The following KBTBD8 variants were observed in gnomAD, a reference collection of about 807,000 sequenced individuals.
The protein encoded by KBTBD8 is kelch repeat and BTB domain-containing protein 8.
In KBTBD8, 31 loss-of-function variants were observed where a neutral mutation model predicts 53.5. That is an observed-to-expected ratio of 0.58 (90% CI 0.44 to 0.78). The LOEUF (loss-of-function observed/expected upper bound fraction) is 0.78, where lower values mean the gene tolerates loss of function less well. KBTBD8 is among the 30% of genes least tolerant of loss of function. The pLI, the probability that KBTBD8 is intolerant of heterozygous loss-of-function variation, is 0.00. For missense variants in KBTBD8, 642 were observed against 735.8 expected, an observed-to-expected ratio of 0.87 and a Z score of 1.48; for synonymous variants, 250 against 247.3, an observed-to-expected ratio of 1.01 and a Z score of -0.10.
In KBTBD8 at chr3:67,003,266, C is replaced by G; in HGVS notation, c.299C>G (p.Ser100Trp). Reference protein sequence around the residue: ...EVRIVGVEAESMDLVLNYAYT... With the variant: ...EVRIVGVEAEWMDLVLNYAYT... Reference sequence around the variant, plus strand: ...CGAATAGTTGGTGTTGAAGCTGAATCGATGGATTTAGTGTTGAACTATGCC... The same window carrying G: ...CGAATAGTTGGTGTTGAAGCTGAATGGATGGATTTAGTGTTGAACTATGCC... The change falls in exon 3 of 4, where the codon TCG becomes TGG. Residue 100 changes from serine to tryptophan, a missense_variant. Transcript: ENST00000417314. 2 of 1,614,020 alleles carry G rather than the reference C, an allele frequency of 1.2e-6. No individual in the cohort carries two copies. The highest frequency in any genetic ancestry group is 1.7e-6 in the Non-Finnish European group (2 of 1,179,910).
At chr3:67,003,163 A>T in intron 2 of KBTBD8, 32 bp from the exon 3 acceptor site, 1 of 1,578,736 alleles carries the variant, frequency 6.3e-7, no homozygotes, top group Non-Finnish European at 8.7e-7. Context: ...TTTATAGCAC[A>T]CGTGTAATAT....
Position 67,010,145 on chromosome 3 carries a change from T to G in KBTBD8, c.*1760T>G, listed in dbSNP as rs1433218721. ...CTCTGTATAAACTTTGTCAACATTT[T>G]TACCTCCCCAGTTTTATCTTCTGTT... is the stretch of plus-strand genomic sequence containing the variant. On this transcript the variant is annotated 3_prime_UTR_variant, in exon 4 of 4. Transcript: ENST00000417314. 1 of 152,578 alleles carries G rather than the reference T, an allele frequency of 6.6e-6. No homozygotes were observed. The highest frequency in any genetic ancestry group is 1.5e-5 in the Non-Finnish European group (1 of 67,988). The allele number at this position is 152,578 out of a possible 1,614,324, so 9.5% of individuals were successfully genotyped here.
intron 3 of KBTBD8, 47 bp from the exon 4 acceptor site, chr3:67,007,875 C>A (rs1575580876): frequency 1.7e-6 from 2 of 1,182,176 alleles, no homozygotes; most frequent in South Asian, 1.6e-5. Context: ...AACCAAAAAC[C>A]AAACATAAAA....
intron 2 of KBTBD8, among the ~76,000 whole-genome samples, chr3:67,000,554 G>C (rs1702007934): frequency 6.6e-6 from 1 of 152,152 alleles, no homozygotes. Flanking sequence ...GTGAGATTGA[G>C]TTTTAATAAC....
intron 3 of KBTBD8, among the ~76,000 whole-genome samples, chr3:67,006,008 G>A (rs970926048): frequency 5.9e-5 from 9 of 152,060 alleles, no homozygotes; most frequent in African/African-American, 1.9e-4. Context: ...ATTTGTTTAA[G>A]TTCAGTGTCA....
At chr3:67,006,219 T>C (rs1383430902) in intron 3 of KBTBD8, among the ~76,000 whole-genome samples, 1 of 152,198 alleles carries the variant, frequency 6.6e-6, no homozygotes, top group Admixed American at 6.5e-5. Context: ...TCTTACTGCC[T>C]AACTGTTAGT....
rs183048924 is a variant in KBTBD8, at chr3:67,004,242, C to T, written c.1275C>T (p.Cys425=). 34 of 1,614,094 alleles carry T rather than the reference C, an allele frequency of 2.1e-5. No homozygotes were observed. Among genetic ancestry groups the T allele is most frequent in the Middle Eastern group, 3.3e-4 (2 of 6,062 alleles). The change falls in exon 3 of 4, where the codon TGC becomes TGT. Residue 425 remains cysteine (C), a synonymous_variant. Transcript: ENST00000417314. Reference sequence around the variant, plus strand: ...GAGAGAATTGTTGGACGACTGTTTGCGCGATGCCAGTTGCAATGGAATTTC... The same window carrying T: ...GAGAGAATTGTTGGACGACTGTTTGTGCGATGCCAGTTGCAATGGAATTTC... The part of the protein sequence containing the change: ...DSRENCWTTV[C]AMPVAMEFHN...
At position 67,010,019 on chromosome 3, in the gene KBTBD8, A is replaced by G. The variant is rs1308452114; in HGVS notation, c.*1634A>G. 1 of 152,614 alleles carries G rather than the reference A, an allele frequency of 6.6e-6. No homozygotes were observed. Among genetic ancestry groups the G allele is most frequent in the Admixed American group, 6.5e-5 (1 of 15,288 alleles). The allele number at this position is 152,614 out of a possible 1,614,324, so 9.5% of individuals were successfully genotyped here. ...ACAAGTAGGGAATGTTTTCTGAAGC[A>G]GAAGTTAAAATGGACAGCATTTCTA... is the stretch of plus-strand genomic sequence containing the variant. On this transcript the variant is annotated 3_prime_UTR_variant, in exon 4 of 4. Transcript: ENST00000417314.
chr3:67,001,125 T>C, intron 2 of KBTBD8, among the ~76,000 whole-genome samples: 1 of 152,148 alleles, frequency 6.6e-6, no homozygotes, highest in Non-Finnish European at 1.5e-5. Flanking sequence ...ACTTGAGAAA[T>C]TTTCTGGGGA....
At chr3:67,006,967 C>T (rs1236941509) in intron 3 of KBTBD8, among the ~76,000 whole-genome samples, 1 of 152,144 alleles carries the variant, frequency 6.6e-6, no homozygotes, top group Non-Finnish European at 1.5e-5. Flanking sequence ...CTCAGCATAC[C>T]TTTTTATTAT....
chr3:66,999,004 C>G lies in KBTBD8; in HGVS notation c.40C>G (p.Pro14Ala), dbSNP rs1266180402. 2.5e-6 allele frequency: 4 copies of G among 1,610,980 alleles called. No individual in the cohort carries two copies. Among genetic ancestry groups the G allele is most frequent in the Admixed American group, 1.7e-5 (1 of 59,296 alleles). Residue 14 changes from proline (P) to alanine (A), a missense_variant, in exon 2 of 4, where the codon CCG (proline) becomes GCG (alanine). Pro to Ala is a conservative substitution (Grantham distance 27). Coordinates refer to ENST00000417314, the MANE Select transcript of KBTBD8 (RefSeq NM_032505.3). ...SADLSKSSPT[P>A]NGIPSSDPAS... ...AGATTTAAGTAAGTCTTCCCCAACA[C>G]CGAATGGGATTCCATCTTCAGACCC...
In KBTBD8 at chr3:67,004,325, A is replaced by T; in HGVS notation, c.1342+16A>T. The T allele has an allele frequency of 6.2e-7, 1 of 1,601,474 alleles. No homozygotes were observed. Among genetic ancestry groups the T allele is most frequent in the Non-Finnish European group, 8.5e-7 (1 of 1,170,656 alleles). On this transcript the variant is annotated intron_variant, in intron 3 of 3. Transcript: ENST00000417314. The stretch of plus-strand genomic sequence containing the variant: ...GTTTTACAGGGTAGGTGCCTAAGTG[A>T]TTTAGTTTTTCATGGAAGGGTAACA...
chr3:67,000,511 G>T (rs1216236257), intron 2 of KBTBD8, among the ~76,000 whole-genome samples: 3 of 152,204 alleles, frequency 2.0e-5, no homozygotes, highest in East Asian at 3.9e-4. Flanking sequence ...CATAGTTGTT[G>T]TTCCATTTTA....
chr3:66,999,667 T>C lies in KBTBD8; in HGVS notation c.227+476T>C, dbSNP rs536795026. Reference sequence around the variant, plus strand: ...GGACAGTGCTGATCTAGAATTTCTTTCAAAAAGTTATCCATAATGCATGTT... The same window carrying C: ...GGACAGTGCTGATCTAGAATTTCTTCCAAAAAGTTATCCATAATGCATGTT... On this transcript the variant is annotated intron_variant, in intron 2 of 3. Coordinates refer to ENST00000417314, the MANE Select transcript of KBTBD8 (RefSeq NM_032505.3). Among the ~76,000 whole-genome samples the C allele has an allele frequency of 1.1e-4, 16 of 152,354 alleles. No individual in the cohort carries two copies. In the East Asian group the frequency reaches 3.1e-3, roughly 29 times the overall value.
At chr3:66,998,788 G>A (rs1046501780) in intron 1 of KBTBD8, 193 bp from the exon 2 acceptor site, 3 of 607,124 alleles carry the variant, frequency 4.9e-6, no homozygotes, top group Non-Finnish European at 8.7e-6. Context: ...AACTTGTTCC[G>A]CCGATCGCGC....
Position 67,009,960 on chromosome 3 carries a change from C to T in KBTBD8, c.*1575C>T, listed in dbSNP as rs1702102738. ...TCTTTGCATCACATACCTCGTTTTT[C>T]AGAAACTTTCCAAACTGCTTTACAT... On this transcript the variant is annotated 3_prime_UTR_variant, in exon 4 of 4. Coordinates refer to ENST00000417314, the MANE Select transcript of KBTBD8 (RefSeq NM_032505.3). The T allele has an allele frequency of 6.6e-6, 1 of 152,584 alleles. No homozygotes were observed. The highest frequency in any genetic ancestry group is 2.4e-5 in the African/African-American group (1 of 41,454). 9.5% of individuals were successfully genotyped at this position (152,584 alleles called of 1,614,324 possible).
At chr3:67,002,961 TTCA>T (rs960061268) in intron 2 of KBTBD8, among the ~76,000 whole-genome samples, 18 of 152,212 alleles carry the variant, frequency 1.2e-4, no homozygotes, top group Admixed American at 3.9e-4. Flanking sequence ...CTCTCCTTTT[TTCA>T]TAGTTGGCAC....
rs879742758 is a variant in KBTBD8, at chr3:67,009,923, GA to G, written c.*1542del. On this transcript the variant is annotated 3_prime_UTR_variant, in exon 4 of 4. Transcript: ENST00000417314. ...GTAATGTGATACTGTGAAACAAATT[GA>G]AAACATTGCCTCTTTGCATCACATA... 8 of 152,580 alleles carry G rather than the reference GA, an allele frequency of 5.2e-5. No homozygotes were observed. The allele number at this position is 152,580 out of a possible 1,614,324, so 9.5% of individuals were successfully genotyped here. A position where few individuals can be genotyped will look rare whatever the true frequency, so the allele number is the denominator to read the frequency against.
In KBTBD8 at chr3:67,010,628, C is replaced by G. The variant is rs1486556162; in HGVS notation, c.*2243C>G. On this transcript the variant is annotated 3_prime_UTR_variant, in exon 4 of 4. Coordinates refer to ENST00000417314, the MANE Select transcript of KBTBD8 (RefSeq NM_032505.3). ...AGAACTATTTGTTTAAATTATATAGCTGGGATATTTTGCCACTGTTAAAAT... is the reference window on the plus strand; with the variant it reads ...AGAACTATTTGTTTAAATTATATAGGTGGGATATTTTGCCACTGTTAAAAT... The G allele has an allele frequency of 6.6e-6, 1 of 152,494 alleles. No individual in the cohort carries two copies. The highest frequency in any genetic ancestry group is 1.5e-5 in the Non-Finnish European group (1 of 68,004). 9.4% of individuals were successfully genotyped at this position (152,494 alleles called of 1,614,324 possible).
Sources: allele counts gnomAD v4.1 joint callset (sites outside exome capture counted in the v4.1 genomes callset), GRCh38; gene constraint gnomAD v4.1.1; transcripts MANE v1.5; gene names NCBI Gene and HGNC (gene_info 2026-07-23, HGNC 2026-07-21).